SMAD5: variants seen among roughly 807,000 people sequenced by gnomAD.
The protein encoded by SMAD5 is SMAD family member 5.
In SMAD5, 9 loss-of-function variants were observed where a neutral mutation model predicts 43.1. The observed-to-expected ratio is 0.21, with a 90% CI of 0.13 to 0.36. The LOEUF (loss-of-function observed/expected upper bound fraction) is 0.36. SMAD5 is among the 10% of genes least tolerant of loss of function. SMAD5 has a pLI of 1.00. For missense variants in SMAD5, 348 were observed against 574.0 expected, an observed-to-expected ratio of 0.61 and a Z score of 4.02; for synonymous variants, 190 against 192.4, an observed-to-expected ratio of 0.99 and a Z score of 0.10.
chr5:136,181,568 T>C lies in SMAD5; in HGVS notation c.*4088T>C, dbSNP rs1754629059. 6.6e-6 allele frequency: 1 copy of C among 152,126 alleles called. No individual in the cohort carries two copies. Among genetic ancestry groups the C allele is most frequent in the Admixed American group, 6.5e-5 (1 of 15,270 alleles). 9.4% of individuals were successfully genotyped at this position (152,126 alleles called of 1,614,324 possible). A position where few individuals can be genotyped will look rare whatever the true frequency, so the allele number is the denominator to read the frequency against. On this transcript the variant is annotated 3_prime_UTR_variant, in exon 8 of 8. Transcript: ENST00000545279. ...TCCCAGAGCAGCAGCATTTTTCTCA[T>C]TGATATAAGTAAGATTCTTAGGAGC...
chr5:136,173,486 T>A (rs1445979995), intron 6 of SMAD5, among the ~76,000 whole-genome samples: 1 of 152,148 alleles, frequency 6.6e-6, no homozygotes, highest in Admixed American at 6.5e-5. Context: ...CGGCCAAAAA[T>A]AAGTTACGAA....
chr5:136,141,124 C>T (rs868433775), intron 1 of SMAD5, among the ~76,000 whole-genome samples: 2 of 151,942 alleles, frequency 1.3e-5, no homozygotes, highest in South Asian at 2.1e-4. Flanking sequence ...ACTTAAATAA[C>T]GATAGAGCTA....
intron 5 of SMAD5, among the ~76,000 whole-genome samples, chr5:136,163,929 G>A (rs1040311781): frequency 5.3e-5 from 8 of 152,182 alleles, no homozygotes; most frequent in East Asian, 1.9e-4. Flanking sequence ...GCCTGTAATC[G>A]TAGCACTTTG....
rs1038199631 is a variant in SMAD5 at position 136,180,261 on chromosome 5, A to G, written c.*2781A>G. 1 of 152,334 alleles carries G rather than the reference A, an allele frequency of 6.6e-6. No individual in the cohort carries two copies. The highest frequency in any genetic ancestry group is 6.5e-5 in the Admixed American group (1 of 15,304). 9.4% of individuals were successfully genotyped at this position (152,334 alleles called of 1,614,324 possible). A position where few individuals can be genotyped will look rare whatever the true frequency, so the allele number is the denominator to read the frequency against. On this transcript the variant is annotated 3_prime_UTR_variant, in exon 8 of 8. Transcript: ENST00000545279. ...AAGTACCTCTGAAAGAAACCATTTT[A>G]GCAAATTATGGTTATATGTTTTAAT...
chr5:136,154,224 A>G, intron 3 of SMAD5, 61 bp downstream of exon 3: 1 of 1,021,488 alleles, frequency 9.8e-7, no homozygotes. Flanking sequence ...TCTTCCTGAT[A>G]TGCATGTAAC....
intron 4 of SMAD5, among the ~76,000 whole-genome samples, chr5:136,161,554 A>G (rs1013070985): frequency 2.0e-5 from 3 of 152,244 alleles, no homozygotes; most frequent in Non-Finnish European, 4.4e-5. Flanking sequence ...GTCTAACTCT[A>G]AAGTCTGTGA....
chr5:136,144,206 T>G (rs1389887522), intron 1 of SMAD5, among the ~76,000 whole-genome samples: 3 of 152,030 alleles, frequency 2.0e-5, no homozygotes, highest in Admixed American at 1.3e-4. Flanking sequence ...GATTCTCTGG[T>G]TTTCAAGCTA....
intron 2 of SMAD5, among the ~76,000 whole-genome samples, chr5:136,151,746 C>G (rs1447493480): frequency 6.6e-6 from 1 of 152,126 alleles, no homozygotes. Context: ...AATCAGTCAG[C>G]CAGGCCTGTC....
intron 5 of SMAD5, among the ~76,000 whole-genome samples, chr5:136,171,754 T>G (rs1009354299): frequency 2.0e-5 from 3 of 152,194 alleles, no homozygotes; most frequent in African/African-American, 7.2e-5. Flanking sequence ...GATGTGGAAA[T>G]GAGTTAAGAC....
At position 136,161,828 on chromosome 5, in the gene SMAD5, G is replaced by A. The variant is rs561337624; in HGVS notation, c.655+721G>A. On this transcript the variant is annotated intron_variant, in intron 4 of 7. Transcript: ENST00000545279. ...GTCCTCACTTGATGTCATTGATAAC[G>A]TCTTGGAAACTGACTTTAACTGAAA... 5.9e-5 allele frequency among the ~76,000 whole-genome samples: 9 copies of A among 152,260 alleles called. No individual in the cohort carries two copies. In the East Asian group the frequency reaches 1.5e-3, roughly 26 times the overall value.
At position 136,153,576 on chromosome 5, in the gene SMAD5, C is replaced by T; in HGVS notation, c.-169-16C>T. The T allele has an allele frequency of 1.1e-5, 6 of 522,558 alleles. No individual in the cohort carries two copies. In the South Asian group the frequency reaches 1.3e-4, roughly 11 times the overall value. 32.4% of individuals were successfully genotyped at this position (522,558 alleles called of 1,614,324 possible). ...AATTGATTTAAACTAGGATCCTTTC[C>T]CCCTTTCTCTTTCAGGACTTGACCC... On this transcript the variant is annotated splice_polypyrimidine_tract_variant and intron_variant, in intron 2 of 7. Transcript: ENST00000545279.
chr5:136,133,352 T>TCA (rs1433542818), intron 1 of SMAD5: 1 of 152,502 alleles, frequency 6.6e-6, no homozygotes, highest in Non-Finnish European at 1.5e-5. Context: ...ATACACACCC[T>TCA]TGATAGGACT....
intron 5 of SMAD5, among the ~76,000 whole-genome samples, chr5:136,170,589 A>G (rs1754183982): frequency 6.6e-6 from 1 of 152,162 alleles, no homozygotes; most frequent in Non-Finnish European, 1.5e-5. Context: ...CATATAAAGT[A>G]CAGAATCATT....
intron 4 of SMAD5, among the ~76,000 whole-genome samples, chr5:136,162,146 A>T (rs1753843641): frequency 6.6e-6 from 1 of 152,228 alleles, no homozygotes; most frequent in Non-Finnish European, 1.5e-5. Context: ...ACGTGATTAA[A>T]TCACAGAGTG....
intron 2 of SMAD5, among the ~76,000 whole-genome samples, chr5:136,152,188 T>C (rs1475310408): frequency 1.3e-5 from 2 of 152,130 alleles, no homozygotes; most frequent in African/African-American, 4.8e-5. Flanking sequence ...CAGTAGTTGA[T>C]CGGCATCCAG....
intron 2 of SMAD5, among the ~76,000 whole-genome samples, chr5:136,153,334 T>C (rs902913253): frequency 6.6e-6 from 1 of 152,150 alleles, no homozygotes; most frequent in African/African-American, 2.4e-5. Context: ...GAAGCTATTT[T>C]TGGATAATAC....
intron 5 of SMAD5, 80 bp downstream of exon 5, chr5:136,163,471 A>G: frequency 8.5e-7 from 1 of 1,174,206 alleles, no homozygotes; most frequent in Non-Finnish European, 1.2e-6. Context: ...AAACAGCTTT[A>G]TTGAGGTATA....
At chr5:136,160,434 C>T (rs1250554076) in intron 3 of SMAD5, among the ~76,000 whole-genome samples, 2 of 152,094 alleles carry the variant, frequency 1.3e-5, no homozygotes, top group African/African-American at 2.4e-5. Context: ...CTTCCCAGCC[C>T]TAGTACTCCC....
chr5:136,157,292 T>C (rs1753668342), intron 3 of SMAD5, among the ~76,000 whole-genome samples: 2 of 151,654 alleles, frequency 1.3e-5, no homozygotes, highest in South Asian at 4.2e-4. Context: ...ATAAGAAAAA[T>C]AGAGGGCCAA....
Sources: gnomAD v4.1 joint callset for allele counts (sites outside exome capture counted in the v4.1 genomes callset) on GRCh38, gnomAD v4.1.1 for gene constraint, MANE v1.5 for transcripts, NCBI Gene and HGNC (gene_info 2026-07-23, HGNC 2026-07-21) for gene names.